The following TBC1D23 variants were observed in gnomAD, a reference collection of about 807,000 sequenced individuals.
TBC1D23 encodes TBC1 domain family member 23.
Under a neutral mutation model 91.4 loss-of-function variants are expected in TBC1D23, and 55 were observed. That is an observed-to-expected ratio of 0.60 (90% CI 0.48 to 0.75). The LOEUF (loss-of-function observed/expected upper bound fraction) is 0.75. TBC1D23 is among the 30% of genes least tolerant of loss of function. TBC1D23 has a pLI of 0.00. For synonymous variants in TBC1D23, 289 were observed against 281.0 expected (o/e 1.03, Z -0.28); for missense variants, 725 against 836.1 (o/e 0.87, Z 1.64).
intron 5 of TBC1D23, among the ~76,000 whole-genome samples, chr3:100,294,305 G>T (rs2067819248): frequency 6.6e-6 from 1 of 150,596 alleles, no homozygotes; most frequent in Non-Finnish European, 1.5e-5. Flanking sequence ...CTGTCACCCA[G>T]GCTGGAGTGC....
intron 4 of TBC1D23, among the ~76,000 whole-genome samples, chr3:100,289,570 G>C (rs778340419): frequency 1.3e-5 from 2 of 152,118 alleles, no homozygotes; most frequent in Non-Finnish European, 2.9e-5. Context: ...TTATCTCTGG[G>C]CTCAGATGCT....
At chr3:100,311,348 A>G (rs1705620463) in intron 14 of TBC1D23, among the ~76,000 whole-genome samples, 2 of 152,226 alleles carry the variant, frequency 1.3e-5, no homozygotes, top group Non-Finnish European at 2.9e-5. Context: ...TATGCATACA[A>G]AAGCACATTT....
intron 2 of TBC1D23, among the ~76,000 whole-genome samples, chr3:100,281,451 T>C (rs1456783093): frequency 6.6e-6 from 1 of 152,232 alleles, no homozygotes; most frequent in Admixed American, 6.5e-5. Context: ...CATTCTGTTG[T>C]TTTTACATTA....
intron 5 of TBC1D23, among the ~76,000 whole-genome samples, chr3:100,292,114 T>C (rs763940823): frequency 1.3e-5 from 2 of 152,202 alleles, no homozygotes; most frequent in Non-Finnish European, 2.9e-5. Context: ...GTTGGAAAAT[T>C]CTATTGTTCA....
chr3:100,307,337 G>GC (rs1213961838), intron 13 of TBC1D23, among the ~76,000 whole-genome samples: 2 of 152,166 alleles, frequency 1.3e-5, no homozygotes, highest in Admixed American at 6.5e-5. Flanking sequence ...AGTAGCTTGG[G>GC]CTTACAGGTC....
intron 1 of TBC1D23, chr3:100,267,131 T>C (rs549615666): frequency 2.5e-5 from 9 of 360,322 alleles, no homozygotes; most frequent in Non-Finnish European, 3.8e-5. Context: ...TCTGAAGATA[T>C]CTAAATGCTG....
At chr3:100,297,469 A>G (rs551715230) in intron 8 of TBC1D23, among the ~76,000 whole-genome samples, 1 of 152,100 alleles carries the variant, frequency 6.6e-6, no homozygotes, top group African/African-American at 2.4e-5. Context: ...AAGAAGTCTT[A>G]TTTTTTTTCT....
chr3:100,279,571 G>A (rs774475777), intron 1 of TBC1D23, 78 bp from the exon 2 acceptor site: 9 of 969,156 alleles, frequency 9.3e-6, no homozygotes, highest in Non-Finnish European at 1.4e-5. Context: ...CCTTTAATAG[G>A]CCATGCTTAT....
chr3:100,271,933 A>C (rs1341440871), intron 1 of TBC1D23, among the ~76,000 whole-genome samples: 1 of 152,168 alleles, frequency 6.6e-6, no homozygotes, highest in Non-Finnish European at 1.5e-5. Context: ...ATGTGCTTTA[A>C]GTTTTGGGCC....
chr3:100,324,992 A>G lies in TBC1D23; in HGVS notation c.*1324A>G, dbSNP rs994878756. On this transcript the variant is annotated 3_prime_UTR_variant, in exon 19 of 19. Coordinates refer to ENST00000394144, the MANE Select transcript of TBC1D23 (RefSeq NM_001199198.3). The stretch of plus-strand genomic sequence containing the variant: ...GGGAAATTTTATTCTAATATCTAAT[A>G]AAAACAGTTTGAGTGGTTGAAGACA... 1.3e-5 allele frequency: 2 copies of G among 152,190 alleles called. No individual in the cohort carries two copies. Among genetic ancestry groups the G allele is most frequent in the Non-Finnish European group, 2.9e-5 (2 of 68,030 alleles). The allele number at this position is 152,190 out of a possible 1,614,324, so 9.4% of individuals were successfully genotyped here. A position where few individuals can be genotyped will look rare whatever the true frequency, so the allele number is the denominator to read the frequency against.
At position 100,299,375 on chromosome 3, in the gene TBC1D23, T is replaced by C. The variant is rs115801202; in HGVS notation, c.1092+44T>C. ...TAATTATTCTTAAAGTAACTTTTTT[T>C]CCTTCAGTTCATAAATAAATATATA... On this transcript the variant is annotated intron_variant, in intron 10 of 18. Transcript: ENST00000394144. 1,370 of 1,276,218 alleles carry C rather than the reference T, an allele frequency of 1.1e-3. 18 individuals are homozygous for C. In the African/African-American group the frequency reaches 0.018, roughly 17 times the overall value. The allele number at this position is 1,276,218 out of a possible 1,614,324, so 79.1% of individuals were successfully genotyped here. A position where few individuals can be genotyped will look rare whatever the true frequency, so the allele number is the denominator to read the frequency against.
intron 10 of TBC1D23, among the ~76,000 whole-genome samples, chr3:100,301,260 G>A (rs1465195183): frequency 8.0e-6 from 1 of 124,686 alleles, no homozygotes; most frequent in Non-Finnish European, 1.6e-5. Flanking sequence ...GTGACAGAGG[G>A]AGATTCCGTC....
At chr3:100,317,867 T>C (rs748747459) in intron 16 of TBC1D23, among the ~76,000 whole-genome samples, 5 of 152,178 alleles carry the variant, frequency 3.3e-5, no homozygotes, top group Non-Finnish European at 7.4e-5. Context: ...TCAGTATGTA[T>C]GAATTTCAGA....
intron 5 of TBC1D23, among the ~76,000 whole-genome samples, chr3:100,293,897 A>G (rs2067815037): frequency 6.6e-6 from 1 of 152,222 alleles, no homozygotes. Flanking sequence ...GAGAATTTAA[A>G]TCAGAGATAT....
intron 2 of TBC1D23, among the ~76,000 whole-genome samples, chr3:100,280,411 G>C (rs1310951311): frequency 2.0e-5 from 3 of 152,052 alleles, no homozygotes; most frequent in African/African-American, 4.8e-5. Context: ...CCTCTATTCA[G>C]CTATTCTACA....
chr3:100,288,354 C>T (rs1019490374), intron 4 of TBC1D23, among the ~76,000 whole-genome samples: 1 of 151,934 alleles, frequency 6.6e-6, no homozygotes, highest in Non-Finnish European at 1.5e-5. Flanking sequence ...AGAGATGGGA[C>T]CCCTACAAAA....
intron 3 of TBC1D23, among the ~76,000 whole-genome samples, chr3:100,282,275 G>T (rs1275052824): frequency 6.6e-6 from 1 of 152,166 alleles, no homozygotes; most frequent in Non-Finnish European, 1.5e-5. Flanking sequence ...TCACACCACT[G>T]CACTCCAGCC....
rs1460319851 is a variant in TBC1D23, at chr3:100,279,439, A to T, written c.54-210A>T. 1.1e-5 allele frequency: 4 copies of T among 373,798 alleles called. No individual in the cohort carries two copies. The Admixed American group carries it at 1.3e-4, about 12-fold the overall frequency. The allele number at this position is 373,798 out of a possible 1,614,324, so 23.2% of individuals were successfully genotyped here. On this transcript the variant is annotated intron_variant, in intron 1 of 18. Transcript: ENST00000394144. Reference sequence around the variant, plus strand: ...TTCTCTAATCTAGGAAAAGACAACCAAACTAAGGGTAAAATGAGAGTAAAT... The same window carrying T: ...TTCTCTAATCTAGGAAAAGACAACCTAACTAAGGGTAAAATGAGAGTAAAT...
chr3:100,307,765 G>T (rs1705538703), intron 13 of TBC1D23, among the ~76,000 whole-genome samples: 1 of 152,060 alleles, frequency 6.6e-6, no homozygotes, highest in Non-Finnish European at 1.5e-5. Flanking sequence ...CATTTTATGG[G>T]TGTATTATAA....
Sources: allele counts gnomAD v4.1 joint callset (sites outside exome capture counted in the v4.1 genomes callset), GRCh38; gene constraint gnomAD v4.1.1; transcripts MANE v1.5; gene names NCBI Gene and HGNC (gene_info 2026-07-23, HGNC 2026-07-21).